The following PCNT variants were observed in gnomAD, a reference collection of about 807,000 sequenced individuals.
PCNT encodes the protein pericentrin, also known as kendrin.
In PCNT, 319 loss-of-function variants were observed where a neutral mutation model predicts 380.4. The ratio of observed to expected loss-of-function variants is 0.84; its 90% CI spans 0.77 to 0.92. The LOEUF (loss-of-function observed/expected upper bound fraction) is 0.92. PCNT is among the 40% of genes least tolerant of loss of function. PCNT has a pLI of 0.00. For missense variants in PCNT, 4,400 were observed against 4,255.3 expected (o/e 1.03, Z -0.95); for synonymous variants, 1,845 against 1,735.2 (o/e 1.06, Z -1.57).
At position 46,445,336 on chromosome 21, in the gene PCNT, T is replaced by G; in HGVS notation, c.*9T>G. The G allele has an allele frequency of 6.3e-7, 1 of 1,592,166 alleles. No homozygotes were observed. The stretch of plus-strand genomic sequence containing the variant: ...CGATGATTAAACAGTGAATAAAATG[T>G]CATGGCTCTTTCCTGCGACAATTCT... On this transcript the variant is annotated 3_prime_UTR_variant, in exon 47 of 47. Transcript: ENST00000359568.
In PCNT at chr21:46,384,070, G is replaced by A. The variant is rs1330819835; in HGVS notation, c.3313-1762G>A. Among the ~76,000 whole-genome samples, 4 of 143,732 alleles carry A rather than the reference G, an allele frequency of 2.8e-5. 1 individual carries two copies. The highest frequency in any genetic ancestry group is 4.6e-5 in the Non-Finnish European group (3 of 65,764). 94.3% of individuals were successfully genotyped at this position (143,732 alleles called of 152,430 possible). On this transcript the variant is annotated intron_variant, in intron 16 of 46. Coordinates refer to ENST00000359568, the MANE Select transcript of PCNT (RefSeq NM_006031.6). ...TTCACAGTGCTGTGCATTCAGCAGC[G>A]GAAGCGCATTCACAGTGTTGTATAT...
intron 3 of PCNT, among the ~76,000 whole-genome samples, chr21:46,341,760 A>C (rs991193667): frequency 6.6e-6 from 1 of 151,252 alleles, no homozygotes; most frequent in East Asian, 1.9e-4. Flanking sequence ...AGCTTACTGC[A>C]CTCTCCACCC....
intron 13 of PCNT, 121 bp downstream of exon 13, chr21:46,357,312 A>T: frequency 1.3e-6 from 1 of 765,190 alleles, no homozygotes; most frequent in Non-Finnish European, 2.4e-6. Flanking sequence ...TGTACATGGC[A>T]CATTTGTAAG....
rs372485794 is a variant in PCNT, at chr21:46,422,136, AG to A, written c.7179+16del. On this transcript the variant is annotated intron_variant, in intron 32 of 46. Coordinates refer to ENST00000359568, the MANE Select transcript of PCNT (RefSeq NM_006031.6). ...CGAAGCACGTGAAGGTATGGCTGGCAGGGGCGGCCCTCACAGCTTCACATGT... is the reference window on the plus strand; with the variant it reads ...CGAAGCACGTGAAGGTATGGCTGGCAGGGCGGCCCTCACAGCTTCACATGT... 2 of 1,612,968 alleles carry A rather than the reference AG, an allele frequency of 1.2e-6. No individual in the cohort carries two copies. The highest frequency in any genetic ancestry group is 1.7e-6 in the Non-Finnish European group (2 of 1,179,908).
At chr21:46,419,517 G>A (rs1451917113) in intron 31 of PCNT, among the ~76,000 whole-genome samples, 3 of 152,228 alleles carry the variant, frequency 2.0e-5, no homozygotes, top group African/African-American at 7.2e-5. Flanking sequence ...TGCTGTCACA[G>A]CCAAGGTTTG....
intron 21 of PCNT, among the ~76,000 whole-genome samples, chr21:46,393,099 C>T (rs565532238): frequency 2.0e-5 from 3 of 152,224 alleles, no homozygotes; most frequent in Non-Finnish European, 2.9e-5. Flanking sequence ...TGCCTGCTGC[C>T]GGGCTCAGGG....
At chr21:46,405,730 C>G (rs554591718) in intron 27 of PCNT, among the ~76,000 whole-genome samples, 1 of 152,278 alleles carries the variant, frequency 6.6e-6, no homozygotes, top group African/African-American at 2.4e-5. Flanking sequence ...CCATTGATTA[C>G]TTTTCAGAAG....
rs1284504737 is a variant in PCNT, at chr21:46,438,214, A to G, written c.9150A>G (p.Lys3050=). Residue 3050 remains lysine (K), a synonymous_variant, in exon 41 of 47, where the codon AAA becomes AAG. Transcript: ENST00000359568. ...TCCAGTTTGTGGACGTCCTGCTGAA[A>G]GACAATGTTTCCCTCACAAAAGCGC... ...LQFQFVDVLL[K]DNVSLTKALS... The G allele has an allele frequency of 1.2e-6, 2 of 1,614,200 alleles. No individual in the cohort carries two copies. Among genetic ancestry groups the G allele is most frequent in the Non-Finnish European group, 1.7e-6 (2 of 1,179,998 alleles).
In PCNT at chr21:46,334,066, G is replaced by A. The variant is rs548755716; in HGVS notation, c.268-331G>A. 1.6e-4 allele frequency among the ~76,000 whole-genome samples: 25 copies of A among 152,056 alleles called. 1 individual carries two copies. The highest frequency in any genetic ancestry group is 1.2e-3 in the South Asian group (6 of 4,818). ...CTAAAAATACAAAAATTAGCTGGGC[G>A]TGGTGGCGGGCACCCATAGTCCCAG... On this transcript the variant is annotated intron_variant, in intron 2 of 46. Transcript: ENST00000359568.
At chr21:46,340,439 AT>A (rs2083881852) in intron 3 of PCNT, among the ~76,000 whole-genome samples, 1 of 151,994 alleles carries the variant, frequency 6.6e-6, no homozygotes, top group Non-Finnish European at 1.5e-5. Flanking sequence ...GTTATCTCCC[AT>A]TTTTCTAAAC....
intron 6 of PCNT, 96 bp downstream of exon 6, chr21:46,347,608 A>G (rs757382360): frequency 3.1e-5 from 35 of 1,128,248 alleles, no homozygotes; most frequent in Non-Finnish European, 4.5e-5. Context: ...TGATTCAGAC[A>G]GAAGCCAGTC....
Position 46,398,256 on chromosome 21 carries a change from G to C in PCNT, c.4584+1G>C. 1 of 1,604,936 alleles carries C rather than the reference G, an allele frequency of 6.2e-7. No homozygotes were observed. Among genetic ancestry groups the C allele is most frequent in the Non-Finnish European group, 8.5e-7 (1 of 1,176,988 alleles). On this transcript the variant is annotated splice_donor_variant, in intron 24 of 46. Transcript: ENST00000359568. LOFTEE classifies it high-confidence loss of function. ...GCAGCAGGCGCCGCTGGATGGAGAG[G>C]TGAGGAGGCGTCAACGAGATGGGCA...
intron 15 of PCNT, among the ~76,000 whole-genome samples, chr21:46,375,736 G>T (rs1286399035): frequency 6.6e-6 from 1 of 152,064 alleles, no homozygotes; most frequent in East Asian, 1.9e-4. Flanking sequence ...GCATGCCTGT[G>T]ACCTGCCCAG....
At chr21:46,384,573 C>T (rs1167892597) in intron 16 of PCNT, among the ~76,000 whole-genome samples, 3 of 138,326 alleles carry the variant, frequency 2.2e-5, no homozygotes, top group African/African-American at 8.1e-5. Context: ...GTTGTGCATT[C>T]AGTGGTGGAA....
In PCNT at chr21:46,334,444, G is replaced by A. The variant is rs1450690001; in HGVS notation, c.315G>A (p.Gln105=). The A allele has an allele frequency of 4.3e-6, 7 of 1,614,234 alleles. No individual in the cohort carries two copies. The highest frequency in any genetic ancestry group is 5.9e-6 in the Non-Finnish European group (7 of 1,180,040). The part of the protein sequence containing the change: ...GEKREDLEQL[Q]QKQVNDHPPE... ...AGAGAGAGGACTTGGAACAGCTGCA[G>A]CAGAAGCAAGTCAATGACCATCCTC... The change falls in exon 3 of 47, where the codon CAG becomes CAA. Residue 105 remains glutamine (Q), a synonymous_variant. Transcript: ENST00000359568.
At chr21:46,419,484 C>G (rs797022467) in intron 31 of PCNT, among the ~76,000 whole-genome samples, 1 of 152,246 alleles carries the variant, frequency 6.6e-6, no homozygotes, top group Non-Finnish European at 1.5e-5. Context: ...CCTTGCTACA[C>G]GAGGTGCAGT....
chr21:46,363,612 G>A lies in PCNT; in HGVS notation c.2287G>A (p.Ala763Thr), dbSNP rs776920718. 4.3e-6 allele frequency: 7 copies of A among 1,614,086 alleles called. No homozygotes were observed. In the African/African-American group the frequency reaches 9.3e-5, roughly 22 times the overall value. The change falls in exon 14 of 47, where the codon GCT becomes ACT. Residue 763 changes from alanine to threonine, a missense_variant. By Grantham distance (58) the Ala-to-Thr change is moderately conservative. Coordinates refer to ENST00000359568, the MANE Select transcript of PCNT (RefSeq NM_006031.6). ...TATGAAGGAGGAGCTACAGCGGGAA[G>A]CTGAGGAGAAGTTAACATTGATGCT... Reference protein sequence around the residue: ...KVMKEELQREAEEKLTLMLLE... With the variant: ...KVMKEELQRETEEKLTLMLLE...
chr21:46,349,303 T>C, intron 7 of PCNT, 117 bp downstream of exon 7: 2 of 911,668 alleles, frequency 2.2e-6, no homozygotes, highest in Non-Finnish European at 3.7e-6. Context: ...TTCTAAATGC[T>C]GGATGGCCCC....
At position 46,444,720 on chromosome 21, in the gene PCNT, T is replaced by C. The variant is rs199737174; in HGVS notation, c.9866T>C (p.Leu3289Ser). ...GCCACTCCATCCCCAAATTCAAGAT[T>C]AGAAAGATCCCTGACTGCTTCTCAA... ...GRATPSPNSR[L>S]ERSLTASQDP... The change falls in exon 46 of 47, where the codon TTA (leucine) becomes TCA (serine). Residue 3289 changes from leucine (L) to serine (S), a missense_variant. Transcript: ENST00000359568. 1.3e-4 allele frequency: 210 copies of C among 1,613,098 alleles called. 1 individual carries two copies. Among genetic ancestry groups the C allele is most frequent in the Non-Finnish European group, 1.6e-4 (194 of 1,179,648 alleles).
Sources: allele counts gnomAD v4.1 joint callset (sites outside exome capture counted in the v4.1 genomes callset), GRCh38; gene constraint gnomAD v4.1.1; transcripts MANE v1.5; gene names NCBI Gene and HGNC (gene_info 2026-07-23, HGNC 2026-07-21).